ARK2N: variants seen among roughly 807,000 people sequenced by gnomAD.
ARK2N encodes protein ARK2N.
At chr18:46,257,516 C>A in the ARK2N span, among the ~76,000 whole-genome samples, 2 of 152,146 alleles carry the variant, frequency 1.3e-5, no homozygotes. Context: ...CTCCTGGTTA[C>A]CTAAATGTTA....
At chr18:46,233,621 C>G in the ARK2N span, among the ~76,000 whole-genome samples, 6 of 152,128 alleles carry the variant, frequency 3.9e-5, no homozygotes, top group Non-Finnish European at 8.8e-5. Flanking sequence ...CTCTGATAAT[C>G]TTGGATCTTT....
the ARK2N span, among the ~76,000 whole-genome samples, chr18:46,202,149 C>T: frequency 6.6e-6 from 1 of 152,166 alleles, no homozygotes; most frequent in African/African-American, 2.4e-5. Flanking sequence ...ATGGTATTTG[C>T]TCCCAGGACA....
At chr18:46,246,160 C>T in the ARK2N span, among the ~76,000 whole-genome samples, 1 of 152,150 alleles carries the variant, frequency 6.6e-6, no homozygotes. Context: ...TGAAGAACCT[C>T]ATAGCATCTT....
the ARK2N span, among the ~76,000 whole-genome samples, chr18:46,253,496 A>G: frequency 1.3e-5 from 2 of 152,230 alleles, no homozygotes; most frequent in African/African-American, 4.8e-5. Flanking sequence ...TTGAATATAC[A>G]TCATGAGCAT....
the ARK2N span, among the ~76,000 whole-genome samples, chr18:46,194,724 T>C: frequency 6.6e-6 from 1 of 151,262 alleles, no homozygotes; most frequent in East Asian, 2.0e-4. Flanking sequence ...TCCACCAGCC[T>C]TGGCCTCCCA....
chr18:46,176,234 T>G, the ARK2N span, among the ~76,000 whole-genome samples: 1 of 152,356 alleles, frequency 6.6e-6, no homozygotes, highest in South Asian at 2.1e-4. Context: ...CAGCTTTTTT[T>G]GACACGTGCA....
chr18:46,228,043 A>G, the ARK2N span, among the ~76,000 whole-genome samples: 1 of 152,334 alleles, frequency 6.6e-6, no homozygotes, highest in African/African-American at 2.4e-5. Flanking sequence ...ATTATAACTG[A>G]TGGGTTTCCC....
the ARK2N span, among the ~76,000 whole-genome samples, chr18:46,189,805 A>G: frequency 2.6e-5 from 4 of 152,098 alleles, no homozygotes; most frequent in Admixed American, 2.6e-4. Context: ...TTGATGGTGC[A>G]GTGAGTGATG....
At chr18:46,175,627 C>A in the ARK2N span, among the ~76,000 whole-genome samples, 3 of 151,852 alleles carry the variant, frequency 2.0e-5, no homozygotes, top group African/African-American at 4.8e-5. Flanking sequence ...CTCAGCCTCC[C>A]GAGTAGCTGG....
chr18:46,238,161 G>T, the ARK2N span, among the ~76,000 whole-genome samples: 1 of 150,714 alleles, frequency 6.6e-6, no homozygotes, highest in African/African-American at 2.5e-5. Context: ...TGACTTGACT[G>T]TTGACCTGTT....
chr18:46,220,541 A>G, the ARK2N span, among the ~76,000 whole-genome samples: 1 of 152,186 alleles, frequency 6.6e-6, no homozygotes, highest in East Asian at 1.9e-4. Flanking sequence ...AGTTAAAATC[A>G]CCCACAATTC....
chr18:46,196,276 G>A, the ARK2N span, among the ~76,000 whole-genome samples: 2 of 150,398 alleles, frequency 1.3e-5, no homozygotes, highest in Non-Finnish European at 3.0e-5. Flanking sequence ...CACCGTGCCC[G>A]GCCAAGACGG....
the ARK2N span, among the ~76,000 whole-genome samples, chr18:46,221,033 G>A: frequency 6.6e-6 from 1 of 152,096 alleles, no homozygotes; most frequent in African/African-American, 2.4e-5. Context: ...CTGCTCCGGA[G>A]GCTGGTGTGG....
At chr18:46,187,001 T>C in the ARK2N span, among the ~76,000 whole-genome samples, 2 of 150,902 alleles carry the variant, frequency 1.3e-5, no homozygotes, top group Non-Finnish European at 3.0e-5. Flanking sequence ...ATTACAGACA[T>C]GCGTCATCAT....
At chr18:46,180,549 A>G in the ARK2N span, among the ~76,000 whole-genome samples, 2 of 152,174 alleles carry the variant, frequency 1.3e-5, no homozygotes, top group Non-Finnish European at 2.9e-5. Flanking sequence ...TCTACTAAAA[A>G]TACAAAATTA....
chr18:46,191,887 G>A, the ARK2N span, among the ~76,000 whole-genome samples: 3,207 of 152,242 alleles, frequency 0.021, 49 homozygotes, highest in Non-Finnish European at 0.033. Context: ...GCCTTTTCCA[G>A]AATGTCATAC....
the ARK2N span, chr18:46,263,577 C>T: frequency 6.5e-6 from 1 of 154,316 alleles, no homozygotes. Flanking sequence ...TCAGTCAGGT[C>T]CTTATTGGCA....
At chr18:46,180,669 C>T in the ARK2N span, among the ~76,000 whole-genome samples, 2 of 151,850 alleles carry the variant, frequency 1.3e-5, no homozygotes, top group Non-Finnish European at 2.9e-5. Flanking sequence ...TGCCATTGCA[C>T]TCCAGCCTGG....
the ARK2N span, among the ~76,000 whole-genome samples, chr18:46,175,112 A>ACCCCCCCCCCCCCCCCCCCCCCC: frequency 1.5e-5 from 2 of 133,418 alleles, no homozygotes; most frequent in African/African-American, 5.7e-5. Context: ...AAAATTGTCC[A>ACCCCCCCCCCCCCCCCCCCCCCC]CCCCCCCGCC....
Sources: gnomAD v4.1 joint callset for allele counts (sites outside exome capture counted in the v4.1 genomes callset) on GRCh38, gnomAD v4.1.1 for gene constraint, MANE v1.5 for transcripts, NCBI Gene and HGNC (gene_info 2026-07-23, HGNC 2026-07-21) for gene names.